SH3PXD2A: variants seen among roughly 807,000 people sequenced by gnomAD.
SH3PXD2A encodes the protein SH3 and PX domains 2A, also known as SH3 and PX domain-containing protein 2A.
SH3PXD2A carries 32 observed loss-of-function variants against 115.2 expected under a neutral mutation model. The observed-to-expected ratio is 0.28, with a 90% CI of 0.21 to 0.37. The LOEUF (loss-of-function observed/expected upper bound fraction) is 0.37. Ranked by LOEUF, SH3PXD2A falls within the 10% of genes least tolerant of loss-of-function variation. The pLI, the probability that SH3PXD2A is intolerant of heterozygous loss-of-function variation, is 1.00. For missense variants in SH3PXD2A, 1,328 were observed against 1,498.7 expected, an observed-to-expected ratio of 0.89 and a Z score of 1.88; for synonymous variants, 610 against 629.1, an observed-to-expected ratio of 0.97 and a Z score of 0.45.
At position 103,829,690 on chromosome 10, in the gene SH3PXD2A, C is replaced by T. The variant is rs1244914895; in HGVS notation, c.72+25505G>A. ...ATCAATCAGACAATCACATAACATGCGCATAACATAGGACCTAAAGCTATG... is the reference window on the plus strand; with the variant it reads ...ATCAATCAGACAATCACATAACATGTGCATAACATAGGACCTAAAGCTATG... On this transcript the variant is annotated intron_variant, in intron 1 of 14. Coordinates refer to ENST00000369774, the MANE Select transcript of SH3PXD2A (RefSeq NM_001394015.1). Among the ~76,000 whole-genome samples the T allele has an allele frequency of 5.9e-5, 9 of 152,124 alleles. No homozygotes were observed. The South Asian group carries it at 1.0e-3, about 18-fold the overall frequency.
chr10:103,684,800 A>C (rs986808898), intron 6 of SH3PXD2A, among the ~76,000 whole-genome samples: 11 of 146,462 alleles, frequency 7.5e-5, no homozygotes, highest in African/African-American at 2.8e-4. Flanking sequence ...AGGCCGAGGC[A>C]GGATAGTCAC....
intron 4 of SH3PXD2A, among the ~76,000 whole-genome samples, chr10:103,728,823 A>G (rs1468833516): frequency 6.6e-6 from 1 of 152,160 alleles, no homozygotes; most frequent in African/African-American, 2.4e-5. Context: ...ACTAAAGCAC[A>G]GAGAGTTTAC....
At chr10:103,612,748 G>A in intron 12 of SH3PXD2A, 105 bp downstream of exon 12, 1 of 720,854 alleles carries the variant, frequency 1.4e-6, no homozygotes, top group Non-Finnish European at 2.2e-6. Context: ...AGCCCAGGAG[G>A]AAAACGCCAT....
chr10:103,602,529 C>A lies in SH3PXD2A; in HGVS notation c.2689G>T (p.Asp897Tyr). Reference sequence around the variant, plus strand: ...GAGGGGTCAGGTTGCTCGTTCTCATCCAGCACCAAATAGTGGGAAGGGGCC... The same window carrying A: ...GAGGGGTCAGGTTGCTCGTTCTCATACAGCACCAAATAGTGGGAAGGGGCC... ...GWAPSHYLVL[D>Y]ENEQPDPSGK... Residue 897 changes from aspartate (D) to tyrosine (Y), a missense_variant, in exon 15 of 15, where the codon GAT becomes TAT. Around this residue, in one of 5 missense-constraint regions of SH3PXD2A, gnomAD observed 574 missense variants for 565.7 expected, o/e 1.01. Transcript: ENST00000369774. 2 of 1,614,180 alleles carry A rather than the reference C, an allele frequency of 1.2e-6. No individual in the cohort carries two copies. The highest frequency in any genetic ancestry group is 2.2e-5 in the South Asian group (2 of 91,086).
In SH3PXD2A at chr10:103,595,289, C is replaced by T. The variant is rs2036117301; in HGVS notation, c.*6527G>A. On this transcript the variant is annotated 3_prime_UTR_variant, in exon 15 of 15. Transcript: ENST00000369774. ...GGCTGGACCCTTGGGTGTTAAATCACTAAATTCCCTTTCTACCTGCTCTCT... is the reference window on the plus strand; with the variant it reads ...GGCTGGACCCTTGGGTGTTAAATCATTAAATTCCCTTTCTACCTGCTCTCT... 6.6e-6 allele frequency: 1 copy of T among 152,202 alleles called. No individual in the cohort carries two copies. Among genetic ancestry groups the T allele is most frequent in the Non-Finnish European group, 1.5e-5 (1 of 68,036 alleles). The allele number at this position is 152,202 out of a possible 1,614,324, so 9.4% of individuals were successfully genotyped here.
rs1310041579 is a variant in SH3PXD2A at position 103,784,896 on chromosome 10, A to G, written c.153+16386T>C. Among the ~76,000 whole-genome samples the G allele has an allele frequency of 6.6e-6, 1 of 152,122 alleles. No individual in the cohort carries two copies. The highest frequency in any genetic ancestry group is 1.5e-5 in the Non-Finnish European group (1 of 68,008). On this transcript the variant is annotated intron_variant, in intron 2 of 14. Transcript: ENST00000369774. The surrounding 1 kb of genome is among the most constrained non-coding windows in gnomAD (Gnocchi z 4.4). ...TGGCTTACACGCAGAGACACCTGGG[A>G]GCGGCAGCCTACTAGGCGTGTCTGC... is the stretch of plus-strand genomic sequence containing the variant.
chr10:103,603,651 G>A lies in SH3PXD2A; in HGVS notation c.1567C>T (p.Pro523Ser). 1.9e-6 allele frequency: 3 copies of A among 1,604,380 alleles called. No individual in the cohort carries two copies. Among genetic ancestry groups the A allele is most frequent in the Non-Finnish European group, 1.7e-6 (2 of 1,175,618 alleles). Residue 523 changes from proline to serine, a missense_variant, in exon 15 of 15, where the codon CCC becomes TCC. Physicochemically the swap from Pro to Ser is moderately conservative, Grantham distance 74 (BLOSUM62 -1). This residue lies in a region of SH3PXD2A where 509 missense variants were observed against 628.3 expected (regional missense o/e 0.81). Coordinates refer to ENST00000369774, the MANE Select transcript of SH3PXD2A (RefSeq NM_001394015.1). ...RTSTLTRPKV[P>S]PPAPPSKPKE... ...GGCTTGCTGGGGGGTGCTGGCGGGGGCACCTTGGGCCGGGTCAGCGTGCTT... is the reference window on the plus strand; with the variant it reads ...GGCTTGCTGGGGGGTGCTGGCGGGGACACCTTGGGCCGGGTCAGCGTGCTT...
At position 103,601,125 on chromosome 10, in the gene SH3PXD2A, G is replaced by A. The variant is rs2036208850; in HGVS notation, c.*691C>T. 6.6e-6 allele frequency: 1 copy of A among 152,278 alleles called. No individual in the cohort carries two copies. The highest frequency in any genetic ancestry group is 1.5e-5 in the Non-Finnish European group (1 of 68,082). The allele number at this position is 152,278 out of a possible 1,614,324, so 9.4% of individuals were successfully genotyped here. ...TGTCCTCCATGGGGTGCCCCACGGA[G>A]AGCGGGCTCTCTTCTCAAGGCCAAG... On this transcript the variant is annotated 3_prime_UTR_variant, in exon 15 of 15. Coordinates refer to ENST00000369774, the MANE Select transcript of SH3PXD2A (RefSeq NM_001394015.1).
At chr10:103,713,285 A>T (rs2038067210) in intron 5 of SH3PXD2A, among the ~76,000 whole-genome samples, 1 of 152,156 alleles carries the variant, frequency 6.6e-6, no homozygotes, top group Non-Finnish European at 1.5e-5. Context: ...TCCCACAGCC[A>T]TCCAGCCCCT....
At chr10:103,683,158 A>G (rs11191763) in intron 6 of SH3PXD2A, among the ~76,000 whole-genome samples, 56,106 of 151,602 alleles carry the variant, frequency 0.37, 10,851 homozygotes, top group East Asian at 0.55. Flanking sequence ...CCTGGAATTC[A>G]ACACCAGCCT....
chr10:103,701,162 A>G (rs1564867751), intron 5 of SH3PXD2A, among the ~76,000 whole-genome samples: 8 of 144,948 alleles, frequency 5.5e-5, no homozygotes, highest in Admixed American at 6.8e-5. Context: ...CCATCCATCC[A>G]TCCATCCATC....
At chr10:103,837,892 G>A (rs1190605642) in intron 1 of SH3PXD2A, among the ~76,000 whole-genome samples, 2 of 152,138 alleles carry the variant, frequency 1.3e-5, no homozygotes, top group Non-Finnish European at 2.9e-5. Flanking sequence ...AGGAAAGAGT[G>A]GGAAAGGCCA....
intron 5 of SH3PXD2A, among the ~76,000 whole-genome samples, chr10:103,702,596 C>CGTGTGTGCGTGTGTGTGT (rs1554913266): frequency 7.7e-4 from 113 of 147,448 alleles, no homozygotes; most frequent in African/African-American, 2.8e-3. Context: ...TGTGTGTGTG[C>CGTGTGTGCGTGTGTGTGT]GTGTGTGTGT....
intron 3 of SH3PXD2A, among the ~76,000 whole-genome samples, chr10:103,738,174 A>C (rs1332644785): frequency 1.3e-5 from 2 of 152,216 alleles, no homozygotes; most frequent in African/African-American, 4.8e-5. Flanking sequence ...GACATCACCA[A>C]GATGAAGCGG....
chr10:103,701,569 AT>A (rs2037906159), intron 5 of SH3PXD2A, among the ~76,000 whole-genome samples: 1 of 141,608 alleles, frequency 7.1e-6, no homozygotes, highest in Non-Finnish European at 1.5e-5. Flanking sequence ...TCATCTATCC[AT>A]TCATCCATCC....
chr10:103,708,809 T>C (rs1471590322), intron 5 of SH3PXD2A, among the ~76,000 whole-genome samples: 1 of 152,088 alleles, frequency 6.6e-6, no homozygotes, highest in Non-Finnish European at 1.5e-5. Context: ...ATTAAGATCC[T>C]CGTGGCTGCC....
At chr10:103,632,909 G>T (rs2036802671) in intron 8 of SH3PXD2A, among the ~76,000 whole-genome samples, 1 of 152,132 alleles carries the variant, frequency 6.6e-6, no homozygotes, top group Non-Finnish European at 1.5e-5. Context: ...TGGAGGTAGA[G>T]GTTGCGGTGA....
At chr10:103,851,216 C>G (rs1738164866) in intron 1 of SH3PXD2A, among the ~76,000 whole-genome samples, 1 of 151,778 alleles carries the variant, frequency 6.6e-6, no homozygotes, top group Non-Finnish European at 1.5e-5. Context: ...ATGTAGCTCC[C>G]AGGACCAAGA....
intron 1 of SH3PXD2A, among the ~76,000 whole-genome samples, chr10:103,826,288 T>A (rs1477829572): frequency 1.3e-5 from 2 of 152,130 alleles, no homozygotes; most frequent in South Asian, 2.1e-4. Flanking sequence ...GCTATCATCA[T>A]CCCTATTCTC....
Sources: gnomAD v4.1 joint callset for allele counts (sites outside exome capture counted in the v4.1 genomes callset) on GRCh38, gnomAD v4.1.1 for gene constraint, gnomAD v4.1.1 regional missense constraint, Gnocchi (gnomAD v3.1) non-coding constraint, MANE v1.5 for transcripts, NCBI Gene and HGNC (gene_info 2026-07-23, HGNC 2026-07-21) for gene names.